The following AHNAK2 variants were observed in gnomAD, a reference collection of about 807,000 sequenced individuals.
AHNAK2 encodes protein AHNAK2.
Under a neutral mutation model 30.7 loss-of-function variants are expected in AHNAK2, and 18 were observed. The ratio of observed to expected loss-of-function variants is 0.59; its 90% CI spans 0.41 to 0.87. The LOEUF (loss-of-function observed/expected upper bound fraction) is 0.87, where lower values mean the gene tolerates loss of function less well. Ranked by LOEUF, AHNAK2 falls within the 40% of genes least tolerant of loss-of-function variation. AHNAK2 has a pLI of 0.00. For synonymous variants in AHNAK2, 3,590 were observed against 3,073.8 expected (o/e 1.17, Z -5.56); for missense variants, 8,604 against 7,373.0 (o/e 1.17, Z -6.11).
At chr14:104,970,472 G>A (rs1449671238) in intron 1 of AHNAK2, 26 of 985,534 alleles carry the variant, frequency 2.6e-5, no homozygotes, top group African/African-American at 5.2e-5. Flanking sequence ...AGCTACAGAC[G>A]CTCTCCCAAC....
intron 3 of AHNAK2, 132 bp from the exon 4 acceptor site, chr14:104,956,821 A>G: frequency 1.3e-6 from 1 of 798,692 alleles, no homozygotes; most frequent in Admixed American, 2.2e-5. Context: ...AGCTGTGTGC[A>G]GAGGCAGCCG....
At chr14:104,976,728 G>C (rs777289578) in intron 1 of AHNAK2, among the ~76,000 whole-genome samples, 2 of 152,198 alleles carry the variant, frequency 1.3e-5, no homozygotes, top group African/African-American at 4.8e-5. Flanking sequence ...GGGGGTGGAT[G>C]AGATGGTCCT....
Position 104,940,779 on chromosome 14 carries a change from G to A in AHNAK2, c.14672C>T (p.Pro4891Leu). 6.2e-7 allele frequency: 1 copy of A among 1,612,952 alleles called. No homozygotes were observed. Among genetic ancestry groups the A allele is most frequent in the Non-Finnish European group, 8.5e-7 (1 of 1,179,892 alleles). ...EGDLHAAVGA[P>L]VMSPLSPGER... is the part of the protein sequence containing the mutation. ...TCCAGGGCTAAGAGGAGACATGACT[G>A]GGGCACCCACTGCTGCATGTAGGTC... The change falls in exon 7 of 7, where the codon CCA (proline) becomes CTA (leucine). Residue 4891 changes from proline to leucine, a missense_variant. Transcript: ENST00000333244. The surrounding 1 kb of genome is among the most constrained non-coding windows in gnomAD (Gnocchi z 4.4).
At position 104,950,411 on chromosome 14, in the gene AHNAK2, C is replaced by T. The variant is rs181161422; in HGVS notation, c.5040G>A (p.Ser1680=). ...CCACCTTCGGCTCAGACACATCCAC[C>T]GAGGCCTCGATGGACTTGCCTGGGG... is the stretch of plus-strand genomic sequence containing the variant. ...VSAPGKSIEA[S]VDVSEPKVEA... Residue 1680 remains serine, a synonymous_variant, in exon 7 of 7, where the codon TCG becomes TCA. Coordinates refer to ENST00000333244, the MANE Select transcript of AHNAK2 (RefSeq NM_138420.4). 1,129 of 1,584,208 alleles carry T rather than the reference C, an allele frequency of 7.1e-4. 112 individuals are homozygous for T. The highest frequency in any genetic ancestry group is 6.9e-3 in the Admixed American group (393 of 57,308).
chr14:104,957,436 T>C lies in AHNAK2; in HGVS notation c.187A>G (p.Thr63Ala), dbSNP rs1261946025. 1.3e-6 allele frequency: 2 copies of C among 1,594,766 alleles called. No homozygotes were observed. The highest frequency in any genetic ancestry group is 2.7e-5 in the African/African-American group (2 of 74,592). The change falls in exon 3 of 7, where the codon ACT becomes GCT. Residue 63 changes from threonine to alanine, a missense_variant. Coordinates refer to ENST00000333244, the MANE Select transcript of AHNAK2 (RefSeq NM_138420.4). ...TGGAGTCCAAAGTCGGCAGCCTCAG[T>C]CGTGTATTCGTAGACAGGTGAAGAC... is the stretch of plus-strand genomic sequence containing the variant. ...QGSSPVYEYT[T>A]EAADFGLQED...
In AHNAK2 at chr14:104,943,229, C is replaced by A. The variant is rs1425355049; in HGVS notation, c.12222G>T (p.Lys4074Asn). ...GGCCTTTCAGGTCCAGCTTGGGGCCCTTAACATCTATCTGGGGGCCCTTGA... is the reference window on the plus strand; with the variant it reads ...GGCCTTTCAGGTCCAGCTTGGGGCCATTAACATCTATCTGGGGGCCCTTGA... ...VDLKGPQIDV[K>N]GPKLDLKGPK... Residue 4074 changes from lysine (K) to asparagine (N), a missense_variant, in exon 7 of 7, where the codon AAG becomes AAT. Coordinates refer to ENST00000333244, the MANE Select transcript of AHNAK2 (RefSeq NM_138420.4). The A allele has an allele frequency of 6.2e-7, 1 of 1,612,980 alleles. No individual in the cohort carries two copies. Among genetic ancestry groups the A allele is most frequent in the Admixed American group, 1.7e-5 (1 of 59,926 alleles).
At chr14:104,956,753 T>C in intron 3 of AHNAK2, 64 bp from the exon 4 acceptor site, 1 of 1,501,440 alleles carries the variant, frequency 6.7e-7, no homozygotes, top group Middle Eastern at 1.7e-4. Context: ...GGGGCACAGG[T>C]AGGCTGGTGC....
intron 1 of AHNAK2, among the ~76,000 whole-genome samples, chr14:104,968,932 G>A (rs1899394078): frequency 1.3e-5 from 2 of 152,192 alleles, no homozygotes; most frequent in Admixed American, 6.5e-5. Context: ...ACTGCCCTCG[G>A]GCTGGAAACC....
Position 104,949,132 on chromosome 14 carries a change from T to C in AHNAK2, c.6319A>G (p.Met2107Val), listed in dbSNP as rs11846918. The change falls in exon 7 of 7, where the codon ATG becomes GTG. Residue 2107 changes from methionine to valine, a missense_variant. By Grantham distance (21) the Met-to-Val change is conservative. Coordinates refer to ENST00000333244, the MANE Select transcript of AHNAK2 (RefSeq NM_138420.4). The part of the protein sequence containing the change: ...KLDLKDPKVE[M>V]RVPDVEVSLP... ...GACACCTCGACATCGGGGACTCTCA[T>C]TTCCACCTTGGGGTCTTTTAGGTCC... The C allele has an allele frequency of 0.2, 206,726 of 1,055,204 alleles. 76,804 individuals carry two copies. Among genetic ancestry groups the C allele is most frequent in the African/African-American group, 0.65 (44,526 of 68,858 alleles). The allele number at this position is 1,055,204 out of a possible 1,614,324, so 65.4% of individuals were successfully genotyped here.
Position 104,945,518 on chromosome 14 carries a change from G to A in AHNAK2, c.9933C>T (p.Pro3311=). 1.9e-6 allele frequency: 3 copies of A among 1,612,716 alleles called. No homozygotes were observed. Among genetic ancestry groups the A allele is most frequent in the Non-Finnish European group, 2.5e-6 (3 of 1,179,478 alleles). ...VTAKDSKFKM[P]KFKMPSYRAS... The stretch of plus-strand genomic sequence containing the variant: ...CCCTGTACGACGGCATCTTGAATTT[G>A]GGCATTTTGAACTTGCTGTCTTTGG... Residue 3311 remains proline (P), a synonymous_variant, in exon 7 of 7, where the codon CCC becomes CCT. Coordinates refer to ENST00000333244, the MANE Select transcript of AHNAK2 (RefSeq NM_138420.4).
chr14:104,952,020 C>A lies in AHNAK2; in HGVS notation c.3431G>T (p.Arg1144Leu). The A allele has an allele frequency of 6.3e-7, 1 of 1,590,552 alleles. No homozygotes were observed. The highest frequency in any genetic ancestry group is 8.5e-7 in the Non-Finnish European group (1 of 1,174,172). ...GGCCAGGGACAGTTCCCCCTCCAGC[C>A]GCGCACTGTCCAGCTTGGCTCCCGG... is the stretch of plus-strand genomic sequence containing the variant. ...EAPGAKLDSA[R>L]LEGELSLADK... is the part of the protein sequence containing the mutation. Residue 1144 changes from arginine to leucine, a missense_variant, in exon 7 of 7, where the codon CGG becomes CTG. Transcript: ENST00000333244.
rs774639538 is a variant in AHNAK2 at position 104,939,381 on chromosome 14, A to G, written c.16070T>C (p.Leu5357Ser). The part of the protein sequence containing the change: ...WSSQPEGPLK[L>S]KASSTDMPSQ... ...TGGCATATCAGTACTTGAAGCTTTC[A>G]ATTTAAGTGGACCTTCAGGCTGGGA... Residue 5357 changes from leucine (L) to serine (S), a missense_variant, in exon 7 of 7, where the codon TTG becomes TCG. Leu to Ser is a moderately radical substitution (Grantham distance 145). Coordinates refer to ENST00000333244, the MANE Select transcript of AHNAK2 (RefSeq NM_138420.4). The G allele has an allele frequency of 6.2e-7, 1 of 1,613,642 alleles. No homozygotes were observed. The highest frequency in any genetic ancestry group is 1.7e-5 in the Admixed American group (1 of 60,020).
In AHNAK2 at chr14:104,948,685, T is replaced by C. The variant is rs537447088; in HGVS notation, c.6766A>G (p.Ile2256Val). The C allele has an allele frequency of 1.9e-4, 307 of 1,607,134 alleles. 15 individuals are homozygous for C. The East Asian group carries it at 6.2e-3, about 32-fold the overall frequency. The change falls in exon 7 of 7, where the codon ATA becomes GTA. Residue 2256 changes from isoleucine (I) to valine (V), a missense_variant. Transcript: ENST00000333244. ...TCCAGCTTGGGGCCCTTGATGTCTA[T>C]TTCGGGGCCCTTGAGGTCCACTTTG... Reference protein sequence around the residue: ...VPKVDLKGPEIDIKGPKLDLK... With the variant: ...VPKVDLKGPEVDIKGPKLDLK...
In AHNAK2 at chr14:104,944,072, G is replaced by C. The variant is rs746866778; in HGVS notation, c.11379C>G (p.Asp3793Glu). 1.9e-6 allele frequency: 3 copies of C among 1,613,104 alleles called. No homozygotes were observed. Among genetic ancestry groups the C allele is most frequent in the Admixed American group, 1.7e-5 (1 of 59,930 alleles). Residue 3793 changes from aspartate (D) to glutamate (E), a missense_variant, in exon 7 of 7, where the codon GAC becomes GAG. Coordinates refer to ENST00000333244, the MANE Select transcript of AHNAK2 (RefSeq NM_138420.4). ...AQLEGDLSLA[D>E]KDVTAKDSKF... ...TGCTGTCTTTGGCAGTCACATCCTTGTCGGCCAGGGACAGGTCCCCCTCCA... is the reference window on the plus strand; with the variant it reads ...TGCTGTCTTTGGCAGTCACATCCTTCTCGGCCAGGGACAGGTCCCCCTCCA...
rs1229364374 is a variant in AHNAK2 at position 104,953,836 on chromosome 14, G to T, written c.1615C>A (p.Pro539Thr). The change falls in exon 7 of 7, where the codon CCG (proline) becomes ACG (threonine). Residue 539 changes from proline (P) to threonine (T), a missense_variant. Pro to Thr is a conservative substitution (Grantham distance 38). Transcript: ENST00000333244. ...GEEVEGAGWMPGREPTTHAEA... is the reference protein window; with the variant it reads ...GEEVEGAGWMTGREPTTHAEA... Reference sequence around the variant, plus strand: ...GCATGTGTGGTTGGTTCCCTGCCCGGCATCCACCCGGCTCCTTCCACCTCC... The same window carrying T: ...GCATGTGTGGTTGGTTCCCTGCCCGTCATCCACCCGGCTCCTTCCACCTCC... 2.5e-6 allele frequency: 4 copies of T among 1,613,878 alleles called. No individual in the cohort carries two copies. Among genetic ancestry groups the T allele is most frequent in the African/African-American group, 1.3e-5 (1 of 75,000 alleles).
Position 104,943,177 on chromosome 14 carries a change from C to A in AHNAK2, c.12274G>T (p.Val4092Leu). The A allele has an allele frequency of 1.9e-6, 3 of 1,613,402 alleles. No homozygotes were observed. Among genetic ancestry groups the A allele is most frequent in the East Asian group, 2.2e-5 (1 of 44,788 alleles). ...TCCATGCTGGACAGAGACATCTTCA[C>A]ATCAGGGGCTGTCACTTCCGCCTTG... ...GPKAEVTAPD[V>L]KMSLSSMEVD... The change falls in exon 7 of 7, where the codon GTG becomes TTG. Residue 4092 changes from valine to leucine, a missense_variant. By Grantham distance (32) the Val-to-Leu change is conservative (BLOSUM62 1). Coordinates refer to ENST00000333244, the MANE Select transcript of AHNAK2 (RefSeq NM_138420.4).
At chr14:104,965,672 C>G (rs1899282931) in intron 1 of AHNAK2, among the ~76,000 whole-genome samples, 1 of 152,190 alleles carries the variant, frequency 6.6e-6, no homozygotes, top group Non-Finnish European at 1.5e-5. Flanking sequence ...TGGGAAGGAG[C>G]ATGTCCCTAT....
rs532980020 is a variant in AHNAK2, at chr14:104,970,386, G to A, written c.55+7797C>T. On this transcript the variant is annotated intron_variant, in intron 1 of 6. Coordinates refer to ENST00000333244, the MANE Select transcript of AHNAK2 (RefSeq NM_138420.4). ...CTCCAGCCCCCCTTGCTGGTGGCCT[G>A]CTGGCCCCCACAGACCCGCGGAAGA... The A allele has an allele frequency of 2.7e-5, 26 of 980,234 alleles. No individual in the cohort carries two copies. In the Admixed American group the frequency reaches 6.2e-4, roughly 23 times the overall value. 60.7% of individuals were successfully genotyped at this position (980,234 alleles called of 1,614,324 possible). A position where few individuals can be genotyped will look rare whatever the true frequency, so the allele number is the denominator to read the frequency against.
At position 104,938,813 on chromosome 14, in the gene AHNAK2, C is replaced by A; in HGVS notation, c.16638G>T (p.Glu5546Asp). 2 of 1,613,934 alleles carry A rather than the reference C, an allele frequency of 1.2e-6. No homozygotes were observed. The highest frequency in any genetic ancestry group is 1.7e-6 in the Non-Finnish European group (2 of 1,179,878). ...CTTGTATGGGAGCCTCTTCTGTGCC[C>A]TCCTGAGTCCTAGAGTGTTGAGTCA... The part of the protein sequence containing the change: ...TTMTQHSRTQ[E>D]GTEEAPIQAT... The change falls in exon 7 of 7, where the codon GAG (glutamate) becomes GAT (aspartate). Residue 5546 changes from glutamate (E) to aspartate (D), a missense_variant. Physicochemically the swap from Glu to Asp is conservative, Grantham distance 45. Transcript: ENST00000333244.
Sources: allele counts gnomAD v4.1 joint callset (sites outside exome capture counted in the v4.1 genomes callset), GRCh38; gene constraint gnomAD v4.1.1; non-coding constraint Gnocchi (gnomAD v3.1); transcripts MANE v1.5; gene names NCBI Gene and HGNC (gene_info 2026-07-23, HGNC 2026-07-21).